The following ITGA1 variants were observed in gnomAD, a reference collection of about 807,000 sequenced individuals.
ITGA1 encodes integrin alpha-1.
Under a neutral mutation model 145.9 loss-of-function variants are expected in ITGA1, and 85 were observed. That is an observed-to-expected ratio of 0.58 (90% CI 0.49 to 0.70). The LOEUF is 0.70. Among genes scored for constraint, ITGA1 ranks in the 30% least tolerant of loss-of-function variants. The probability of loss-of-function intolerance (pLI) is 0.00; values close to 1 mark genes in which losing one functional copy is unlikely to be tolerated. For missense variants in ITGA1, 1,351 were observed against 1,418.7 expected, an observed-to-expected ratio of 0.95 and a Z score of 0.77; for synonymous variants, 520 against 495.3, an observed-to-expected ratio of 1.05 and a Z score of -0.66.
intron 7 of ITGA1, among the ~76,000 whole-genome samples, chr5:52,887,532 C>T: frequency 6.6e-6 from 1 of 152,326 alleles, no homozygotes; most frequent in African/African-American, 2.4e-5. Context: ...GCCTCAGTCA[C>T]ACCCTCCCTT....
At chr5:52,899,546 A>G (rs1750282455) in intron 11 of ITGA1, among the ~76,000 whole-genome samples, 1 of 152,164 alleles carries the variant, frequency 6.6e-6, no homozygotes, top group Non-Finnish European at 1.5e-5. Context: ...GTCAGACAAC[A>G]GCTAGAGTAT....
intron 13 of ITGA1, 127 bp from the exon 14 acceptor site, chr5:52,910,035 A>C: frequency 1.1e-6 from 1 of 913,722 alleles, no homozygotes; most frequent in Admixed American, 2.4e-5. Context: ...CTTTTTAAGA[A>C]ATTTTACCAA....
chr5:52,943,451 G>T (rs554330204), intron 26 of ITGA1, among the ~76,000 whole-genome samples: 1 of 152,152 alleles, frequency 6.6e-6, no homozygotes, highest in Admixed American at 6.5e-5. Context: ...TGGTGTTGTT[G>T]TTTGAGCTGT....
intron 1 of ITGA1, among the ~76,000 whole-genome samples, chr5:52,823,726 C>T (rs1249018652): frequency 6.6e-6 from 1 of 152,082 alleles, no homozygotes; most frequent in Non-Finnish European, 1.5e-5. Flanking sequence ...ACTGAGAAAG[C>T]AGTGCAGAGA....
chr5:52,809,392 A>C (rs1288290768), intron 1 of ITGA1, among the ~76,000 whole-genome samples: 1 of 152,166 alleles, frequency 6.6e-6, no homozygotes, highest in African/African-American at 2.4e-5. Context: ...AGGTATTCCC[A>C]GAGTTTAAAC....
Position 52,939,950 on chromosome 5 carries a change from TA to T in ITGA1, c.3285+9del. The T allele has an allele frequency of 7.0e-7, 1 of 1,432,998 alleles. No individual in the cohort carries two copies. The highest frequency in any genetic ancestry group is 9.8e-7 in the Non-Finnish European group (1 of 1,015,342). 88.8% of individuals were successfully genotyped at this position (1,432,998 alleles called of 1,614,324 possible). ...GGAAACCAACTTTTATAAAAGTAAGTAAATACATAGTTCTATGCACTTATTG... is the reference window on the plus strand; with the variant it reads ...GGAAACCAACTTTTATAAAAGTAAGTAATACATAGTTCTATGCACTTATTG... On this transcript the variant is annotated splice_region_variant and intron_variant, in intron 26 of 28. Coordinates refer to ENST00000282588, the MANE Select transcript of ITGA1 (RefSeq NM_181501.2).
rs371675428 is a variant in ITGA1, at chr5:52,872,572, T to G, written c.624+6755T>G. On this transcript the variant is annotated intron_variant, in intron 6 of 28. Coordinates refer to ENST00000282588, the MANE Select transcript of ITGA1 (RefSeq NM_181501.2). Reference sequence around the variant, plus strand: ...CTGCTTCCCCTTACACCCGCCTCAGTCAATTTTTTTTTTTTTTTTTTGTGG... The same window carrying G: ...CTGCTTCCCCTTACACCCGCCTCAGGCAATTTTTTTTTTTTTTTTTTGTGG... Among the ~76,000 whole-genome samples the G allele has an allele frequency of 2.6e-3, 367 of 142,902 alleles. 4 individuals are homozygous for G. The highest frequency in any genetic ancestry group is 9.3e-3 in the African/African-American group (359 of 38,440). The allele number at this position is 142,902 out of a possible 152,430, so 93.7% of individuals were successfully genotyped here.
At chr5:52,873,738 A>G (rs1485508401) in intron 6 of ITGA1, among the ~76,000 whole-genome samples, 1 of 152,210 alleles carries the variant, frequency 6.6e-6, no homozygotes, top group Non-Finnish European at 1.5e-5. Context: ...CCAGACATAA[A>G]GCCTGAGCTC....
intron 1 of ITGA1, among the ~76,000 whole-genome samples, chr5:52,798,045 C>G (rs1281544530): frequency 6.6e-6 from 1 of 152,212 alleles, no homozygotes; most frequent in African/African-American, 2.4e-5. Flanking sequence ...CTTTCTCTCT[C>G]ACAAATACAC....
intron 1 of ITGA1, among the ~76,000 whole-genome samples, chr5:52,817,784 C>A (rs1455231388): frequency 1.3e-5 from 2 of 152,186 alleles, no homozygotes; most frequent in African/African-American, 4.8e-5. Flanking sequence ...AAATATGTAT[C>A]TTTGCATATG....
chr5:52,889,362 A>G (rs558923467), intron 8 of ITGA1, among the ~76,000 whole-genome samples: 118 of 152,190 alleles, frequency 7.8e-4, no homozygotes, highest in Non-Finnish European at 8.1e-4. Context: ...TTGACCTCCC[A>G]AAGTGCTGGG....
In ITGA1 at chr5:52,864,914, G is replaced by T. The variant is rs1749659884; in HGVS notation, c.385-57G>T. The T allele has an allele frequency of 3.2e-6, 5 of 1,555,108 alleles. No homozygotes were observed. In the South Asian group the frequency reaches 3.4e-5, roughly 11 times the overall value. On this transcript the variant is annotated intron_variant, in intron 4 of 28. Transcript: ENST00000282588. Reference sequence around the variant, plus strand: ...ATGCTATCATTTTAAGTCTTTGTAAGATCTGTTATATAATTTTCAGTCTAA... The same window carrying T: ...ATGCTATCATTTTAAGTCTTTGTAATATCTGTTATATAATTTTCAGTCTAA...
chr5:52,931,068 A>G (rs1265533366), intron 21 of ITGA1: 3 of 152,162 alleles, frequency 2.0e-5, no homozygotes, highest in Non-Finnish European at 4.4e-5. Flanking sequence ...CTTATGAGCC[A>G]CTTTATACAT....
chr5:52,908,149 G>T (rs16880466), intron 12 of ITGA1, among the ~76,000 whole-genome samples: 21,691 of 152,136 alleles, frequency 0.14, 1,910 homozygotes, highest in South Asian at 0.28. Flanking sequence ...GAAAAGGGTG[G>T]TCTATGCCAC....
chr5:52,951,849 A>G (rs969957536), intron 28 of ITGA1, among the ~76,000 whole-genome samples: 1 of 152,242 alleles, frequency 6.6e-6, no homozygotes, highest in South Asian at 2.1e-4. Flanking sequence ...CAATGTGTAT[A>G]CTATATTTTA....
intron 1 of ITGA1, among the ~76,000 whole-genome samples, chr5:52,844,416 T>C (rs1282122558): frequency 6.6e-6 from 1 of 152,232 alleles, no homozygotes; most frequent in African/African-American, 2.4e-5. Context: ...TATCACTTTG[T>C]ACTAGCCCTT....
At chr5:52,917,577 T>A (rs1230076283) in intron 15 of ITGA1, among the ~76,000 whole-genome samples, 1 of 152,202 alleles carries the variant, frequency 6.6e-6, no homozygotes, top group Non-Finnish European at 1.5e-5. Flanking sequence ...TTAAAAATAA[T>A]AAATCCCATT....
At chr5:52,832,781 G>GTGTGTCTC (rs759943223) in intron 1 of ITGA1, among the ~76,000 whole-genome samples, 1 of 142,544 alleles carries the variant, frequency 7.0e-6, no homozygotes, top group African/African-American at 2.7e-5. Flanking sequence ...GTGTGTGTGT[G>GTGTGTCTC]TGTGTGTGTG....
chr5:52,861,314 T>G (rs1749597157), intron 2 of ITGA1, 133 bp from the exon 3 acceptor site: 1 of 632,374 alleles, frequency 1.6e-6, no homozygotes, highest in African/African-American at 1.8e-5. Flanking sequence ...TTACATAACA[T>G]TAAATTACTA....
Sources: gnomAD v4.1 joint callset for allele counts (sites outside exome capture counted in the v4.1 genomes callset) on GRCh38, gnomAD v4.1.1 for gene constraint, MANE v1.5 for transcripts, NCBI Gene and HGNC (gene_info 2026-07-23, HGNC 2026-07-21) for gene names.